MLLT10: variants seen among roughly 807,000 people sequenced by gnomAD.
MLLT10 encodes MLLT10 histone lysine methyltransferase DOT1L cofactor.
A neutral mutation model predicts 129.1 loss-of-function variants in MLLT10; 30 were observed. That is an observed-to-expected ratio of 0.23 (90% CI 0.17 to 0.32). MLLT10 has a LOEUF of 0.32. Among genes scored for constraint, MLLT10 ranks in the 10% least tolerant of loss-of-function variants. The pLI is 1.00. For missense variants in MLLT10, 1,119 were observed against 1,268.3 expected, an observed-to-expected ratio of 0.88 and a Z score of 1.79; for synonymous variants, 490 against 446.4, an observed-to-expected ratio of 1.10 and a Z score of -1.23.
At chr10:21,653,813 T>C (rs1468067726) in intron 9 of MLLT10, among the ~76,000 whole-genome samples, 1 of 152,120 alleles carries the variant, frequency 6.6e-6, no homozygotes, top group African/African-American at 2.4e-5. Flanking sequence ...AGAAAAGAGG[T>C]CTCAACTTTG....
Position 21,673,830 on chromosome 10 carries a change from T to C in MLLT10, c.1532T>C (p.Ile511Thr). ...TSSVASAAGS[I>T]TSSSLQKSPT... ...TCTGTAGCATCAGCTGCAGGAAGCATAACAAGCTCTAGTCTGCAGAAATCT... is the reference window on the plus strand; with the variant it reads ...TCTGTAGCATCAGCTGCAGGAAGCACAACAAGCTCTAGTCTGCAGAAATCT... Residue 511 changes from isoleucine to threonine, a missense_variant, in exon 11 of 23, where the codon ATA becomes ACA. Coordinates refer to ENST00000307729, the MANE Select transcript of MLLT10 (RefSeq NM_001195626.3). 6.2e-7 allele frequency: 1 copy of C among 1,614,154 alleles called. No individual in the cohort carries two copies. Among genetic ancestry groups the C allele is most frequent in the Non-Finnish European group, 8.5e-7 (1 of 1,180,014 alleles).
intron 3 of MLLT10, among the ~76,000 whole-genome samples, chr10:21,552,984 T>G (rs2037337007): frequency 6.6e-6 from 1 of 151,996 alleles, no homozygotes; most frequent in Non-Finnish European, 1.5e-5. Context: ...TCTGGTCTGT[T>G]TGCTCCTTAG....
intron 13 of MLLT10, among the ~76,000 whole-genome samples, chr10:21,690,949 C>T (rs1397183388): frequency 6.6e-6 from 1 of 152,098 alleles, no homozygotes; most frequent in Admixed American, 6.5e-5. Context: ...AAGCCAGAAT[C>T]TCAGAAATGA....
At chr10:21,692,251 G>T (rs2053929224) in intron 13 of MLLT10, among the ~76,000 whole-genome samples, 1 of 151,844 alleles carries the variant, frequency 6.6e-6, no homozygotes, top group Admixed American at 6.6e-5. Flanking sequence ...GAAAAGACTA[G>T]ACATACAGAG....
chr10:21,719,618 G>A (rs1276079408), intron 14 of MLLT10, among the ~76,000 whole-genome samples: 7 of 152,162 alleles, frequency 4.6e-5, no homozygotes, highest in African/African-American at 1.7e-4. Flanking sequence ...ATTTGAGTCA[G>A]CAAAAGTCCT....
At position 21,562,808 on chromosome 10, in the gene MLLT10, T is replaced by G. The variant is rs187047613; in HGVS notation, c.241-23486T>G. 2.9e-4 allele frequency among the ~76,000 whole-genome samples: 40 copies of G among 138,566 alleles called. 1 individual carries two copies. The East Asian group carries it at 7.4e-3, about 26-fold the overall frequency. The allele number at this position is 138,566 out of a possible 152,430, so 90.9% of individuals were successfully genotyped here. A position where few individuals can be genotyped will look rare whatever the true frequency, so the allele number is the denominator to read the frequency against. On this transcript the variant is annotated intron_variant, in intron 3 of 22. Coordinates refer to ENST00000307729, the MANE Select transcript of MLLT10 (RefSeq NM_001195626.3). ...CTTCATTGCTGACTTACATATACTT[T>G]GTTTTTTTTGTTTTTTTTTTTTTTT... is the stretch of plus-strand genomic sequence containing the variant.
At chr10:21,609,250 G>A (rs2044361001) in intron 5 of MLLT10, among the ~76,000 whole-genome samples, 1 of 152,130 alleles carries the variant, frequency 6.6e-6, no homozygotes, top group African/African-American at 2.4e-5. Flanking sequence ...TTTTGGAGGT[G>A]TTTGTTGTTT....
In MLLT10 at chr10:21,673,621, T is replaced by C. The variant is rs2051744019; in HGVS notation, c.1323T>C (p.Gly441=). 2 of 1,613,816 alleles carry C rather than the reference T, an allele frequency of 1.2e-6. No homozygotes were observed. The highest frequency in any genetic ancestry group is 8.5e-7 in the Non-Finnish European group (1 of 1,179,948). ...TTGAAAATTCACCTGGAGATTTGGG[T>C]AATTCCAGCCTTCCTACAGCAGGAT... ...KSFENSPGDL[G]NSSLPTAGYK... The change falls in exon 11 of 23, where the codon GGT becomes GGC. Residue 441 remains glycine, a synonymous_variant. Coordinates refer to ENST00000307729, the MANE Select transcript of MLLT10 (RefSeq NM_001195626.3).
chr10:21,698,186 C>T (rs1383774851), intron 13 of MLLT10, among the ~76,000 whole-genome samples: 2 of 152,168 alleles, frequency 1.3e-5, no homozygotes, highest in Non-Finnish European at 2.9e-5. Context: ...TATGTTTGTA[C>T]CCATTCAACA....
chr10:21,647,540 T>C (rs1223849922), intron 8 of MLLT10, among the ~76,000 whole-genome samples: 1 of 152,164 alleles, frequency 6.6e-6, no homozygotes, highest in East Asian at 1.9e-4. Context: ...TCTCTAGTAA[T>C]GTATGCAAGT....
intron 5 of MLLT10, among the ~76,000 whole-genome samples, chr10:21,602,908 A>G (rs1450601815): frequency 7.1e-6 from 1 of 140,766 alleles, no homozygotes; most frequent in Non-Finnish European, 1.6e-5. Flanking sequence ...TTTTTTTTGT[A>G]TTTTTAGTAG....
chr10:21,683,452 T>A (rs1320612277), intron 13 of MLLT10, among the ~76,000 whole-genome samples: 1 of 152,236 alleles, frequency 6.6e-6, no homozygotes, highest in East Asian at 1.9e-4. Context: ...TTTAACATCA[T>A]CTTCAGTTTG....
chr10:21,734,234 A>C, intron 20 of MLLT10, 105 bp downstream of exon 20: 1 of 1,384,326 alleles, frequency 7.2e-7, no homozygotes, highest in Non-Finnish European at 9.7e-7. Context: ...GATACACCTT[A>C]AGAAGTCTGC....
intron 3 of MLLT10, chr10:21,557,124 G>A (rs1481969037): frequency 7.2e-7 from 1 of 1,383,264 alleles, no homozygotes; most frequent in African/African-American, 1.5e-5. Context: ...TTGCCCTTTT[G>A]TCTTTTCCTC....
intron 8 of MLLT10, among the ~76,000 whole-genome samples, chr10:21,628,212 A>T (rs1001003343): frequency 6.6e-6 from 1 of 152,212 alleles, no homozygotes; most frequent in African/African-American, 2.4e-5. Context: ...GTCTCCTGGT[A>T]ACAGATAACC....
At chr10:21,647,688 C>T (rs1261964256) in intron 8 of MLLT10, among the ~76,000 whole-genome samples, 4 of 143,788 alleles carry the variant, frequency 2.8e-5, no homozygotes, top group Non-Finnish European at 6.1e-5. Context: ...TTTACTGGCT[C>T]TTTTTTTTTG....
chr10:21,570,030 C>A, intron 3 of MLLT10, among the ~76,000 whole-genome samples: 1 of 152,184 alleles, frequency 6.6e-6, no homozygotes, highest in East Asian at 1.9e-4. Flanking sequence ...CTGCCTCAGT[C>A]TCCTGAGTAG....
At chr10:21,556,063 C>T (rs1397383612) in intron 3 of MLLT10, among the ~76,000 whole-genome samples, 4 of 151,570 alleles carry the variant, frequency 2.6e-5, no homozygotes, top group Admixed American at 2.6e-4. Context: ...GCAACCTTCG[C>T]CTCCCGGGTT....
At position 21,534,309 on chromosome 10, in the gene MLLT10, C is replaced by CCG. The variant is rs1398032840; in HGVS notation, c.-211_-210insGC. 2.6e-6 allele frequency: 1 copy of CCG among 383,306 alleles called. No individual in the cohort carries two copies. The highest frequency in any genetic ancestry group is 2.1e-5 in the African/African-American group (1 of 47,856). The allele number at this position is 383,306 out of a possible 1,614,324, so 23.7% of individuals were successfully genotyped here. On this transcript the variant is annotated 5_prime_UTR_variant, in exon 1 of 23. Coordinates refer to ENST00000307729, the MANE Select transcript of MLLT10 (RefSeq NM_001195626.3). ...CGCTGCCCCTGGCCCAGCGGGAGCC[C>CCG]CCCCTCCCCCCAGTGCGCCTGTGCG...
Sources: allele counts gnomAD v4.1 joint callset (sites outside exome capture counted in the v4.1 genomes callset), GRCh38; gene constraint gnomAD v4.1.1; transcripts MANE v1.5; gene names NCBI Gene and HGNC (gene_info 2026-07-23, HGNC 2026-07-21).